Variants in EPHA6 observed in about 807,000 individuals in gnomAD.
EPHA6 encodes the protein EPH receptor A6, also known as ephrin type-A receptor 6.
EPHA6 carries 50 observed loss-of-function variants against 112.0 expected under a neutral mutation model. The ratio of observed to expected loss-of-function variants is 0.45; its 90% CI spans 0.36 to 0.56. The LOEUF is 0.56. Ranked by LOEUF, EPHA6 falls within the 20% of genes least tolerant of loss-of-function variation. EPHA6 has a pLI of 0.00. For synonymous variants in EPHA6, 529 were observed against 490.7 expected, an observed-to-expected ratio of 1.08 and a Z score of -1.03; for missense variants, 1,280 against 1,417.4, an observed-to-expected ratio of 0.90 and a Z score of 1.56.
chr3:97,733,635 C>A (rs1466592), intron 15 of EPHA6, among the ~76,000 whole-genome samples: 149,361 of 152,144 alleles, frequency 0.98, 73,335 homozygotes, highest in East Asian at 0.99. Context: ...GTATGTACAG[C>A]CTTAGAGGAA....
intron 5 of EPHA6, among the ~76,000 whole-genome samples, chr3:97,275,379 C>A (rs1404647696): frequency 6.6e-6 from 1 of 152,078 alleles, no homozygotes; most frequent in African/African-American, 2.4e-5. Flanking sequence ...TTTGCTGAGC[C>A]TGATGGGTGT....
intron 5 of EPHA6, among the ~76,000 whole-genome samples, chr3:97,287,339 G>T (rs1035588347): frequency 2.0e-5 from 3 of 152,020 alleles, no homozygotes; most frequent in African/African-American, 7.2e-5. Flanking sequence ...CTGCAGGTTT[G>T]TCACAACATC....
At chr3:97,384,804 T>C (rs4857256) in intron 5 of EPHA6, among the ~76,000 whole-genome samples, 8,584 of 152,218 alleles carry the variant, frequency 0.056, 632 homozygotes, top group East Asian at 0.36. Flanking sequence ...CCAAACATAG[T>C]TGACTATAGA....
At chr3:97,194,443 ATT>A (rs1427581676) in intron 3 of EPHA6, among the ~76,000 whole-genome samples, 1 of 151,680 alleles carries the variant, frequency 6.6e-6, no homozygotes, top group Non-Finnish European at 1.5e-5. Context: ...ACTTGATATG[ATT>A]TAATTTTTTT....
chr3:97,626,250 G>A (rs533279283), intron 13 of EPHA6, among the ~76,000 whole-genome samples: 12 of 151,838 alleles, frequency 7.9e-5, no homozygotes, highest in African/African-American at 2.4e-4. Context: ...ATATGTGCTA[G>A]TTGTATACAT....
rs777384456 is a variant in EPHA6, at chr3:97,475,467, G to C, written c.2003+7G>C. The C allele has an allele frequency of 3.8e-6, 6 of 1,573,758 alleles. No individual in the cohort carries two copies. In the South Asian group the frequency reaches 6.7e-5, roughly 18 times the overall value. The stretch of plus-strand genomic sequence containing the variant: ...TCTTCTTGATCACTGGGAGGTAACT[G>C]AAACATACCATACTATTTCCGAGAT... On this transcript the variant is annotated splice_region_variant and intron_variant, in intron 8 of 17. Coordinates refer to ENST00000389672, the MANE Select transcript of EPHA6 (RefSeq NM_001080448.3).
intron 11 of EPHA6, among the ~76,000 whole-genome samples, chr3:97,585,418 C>T (rs868533414): frequency 9.9e-5 from 15 of 152,038 alleles, no homozygotes; most frequent in Admixed American, 2.0e-4. Context: ...TTGTGATACG[C>T]GTTCTACAAG....
intron 14 of EPHA6, among the ~76,000 whole-genome samples, chr3:97,640,118 T>A (rs542404184): frequency 6.6e-6 from 1 of 152,144 alleles, no homozygotes; most frequent in African/African-American, 2.4e-5. Context: ...GTAAGTGTGG[T>A]CATGGGGGTC....
At chr3:97,237,361 T>C (rs2078709959) in intron 4 of EPHA6, among the ~76,000 whole-genome samples, 5 of 152,048 alleles carry the variant, frequency 3.3e-5, no homozygotes, top group African/African-American at 1.2e-4. Flanking sequence ...AAATTACTGA[T>C]AGATATCACT....
At chr3:97,480,754 C>T (rs2091509774) in intron 9 of EPHA6, among the ~76,000 whole-genome samples, 1 of 152,248 alleles carries the variant, frequency 6.6e-6, no homozygotes, top group South Asian at 2.1e-4. Context: ...GGTACACCTC[C>T]CAGACGGGGT....
At chr3:97,143,487 G>A (rs780172539) in intron 3 of EPHA6, among the ~76,000 whole-genome samples, 2 of 151,720 alleles carry the variant, frequency 1.3e-5, no homozygotes, top group Non-Finnish European at 3.0e-5. Flanking sequence ...ATTCTCTTAT[G>A]TTGATCCAGC....
rs1470055394 is a variant in EPHA6, at chr3:97,717,612, G to A, written c.2785-2649G>A. On this transcript the variant is annotated intron_variant, in intron 14 of 17. Transcript: ENST00000389672. ...GAAAGAACAAAGTCATATTAGATGAGGGCCATACCCTTATAATTTTATTTG... is the reference window on the plus strand; with the variant it reads ...GAAAGAACAAAGTCATATTAGATGAAGGCCATACCCTTATAATTTTATTTG... Among the ~76,000 whole-genome samples, 4 of 152,090 alleles carry A rather than the reference G, an allele frequency of 2.6e-5. No individual in the cohort carries two copies. In the East Asian group the frequency reaches 5.8e-4, roughly 22 times the overall value.
intron 11 of EPHA6, among the ~76,000 whole-genome samples, chr3:97,547,516 A>T (rs2092970342): frequency 6.6e-6 from 1 of 152,116 alleles, no homozygotes; most frequent in Admixed American, 6.5e-5. Context: ...GGGGTCAGGG[A>T]CCCAGTTGAG....
chr3:97,117,802 A>C (rs1305897107), intron 3 of EPHA6, among the ~76,000 whole-genome samples: 1 of 151,888 alleles, frequency 6.6e-6, no homozygotes, highest in Non-Finnish European at 1.5e-5. Flanking sequence ...TTACACTAGA[A>C]ATGAATTTGG....
At chr3:96,910,521 G>C (rs747937098) in intron 2 of EPHA6, among the ~76,000 whole-genome samples, 9 of 152,122 alleles carry the variant, frequency 5.9e-5, no homozygotes, top group Non-Finnish European at 1.0e-4. Context: ...GTTCCAAGTG[G>C]CTAAGCCCAG....
At chr3:97,118,090 T>C (rs11923477) in intron 3 of EPHA6, among the ~76,000 whole-genome samples, 6,539 of 151,888 alleles carry the variant, frequency 0.043, 436 homozygotes, top group African/African-American at 0.14. Context: ...ATTCATTAAT[T>C]TGAATAAAAT....
At chr3:96,948,992 A>G (rs1029259819) in intron 2 of EPHA6, among the ~76,000 whole-genome samples, 4 of 152,144 alleles carry the variant, frequency 2.6e-5, no homozygotes, top group African/African-American at 7.2e-5. Context: ...GCTGTTGACC[A>G]TCACCATGTA....
intron 5 of EPHA6, among the ~76,000 whole-genome samples, chr3:97,330,660 T>C (rs568624003): frequency 1.6e-4 from 25 of 152,192 alleles, no homozygotes; most frequent in Non-Finnish European, 2.6e-4. Flanking sequence ...GGCTATTACA[T>C]AATGGTAAAG....
chr3:97,325,146 G>A (rs918940864), intron 5 of EPHA6, among the ~76,000 whole-genome samples: 5 of 152,088 alleles, frequency 3.3e-5, no homozygotes, highest in African/African-American at 9.7e-5. Context: ...GTAAAATGGG[G>A]ATAATAATAT....
Sources: allele counts gnomAD v4.1 joint callset (sites outside exome capture counted in the v4.1 genomes callset), GRCh38; gene constraint gnomAD v4.1.1; transcripts MANE v1.5; gene names NCBI Gene and HGNC (gene_info 2026-07-23, HGNC 2026-07-21).